Variants in TMEM74 observed in about 807,000 individuals in gnomAD.
TMEM74 encodes transmembrane protein 74.
Under a neutral mutation model 18.1 loss-of-function variants are expected in TMEM74, and 13 were observed. The observed-to-expected ratio is 0.72, with a 90% CI of 0.47 to 1.14. The LOEUF (loss-of-function observed/expected upper bound fraction) is 1.14, where lower values mean the gene tolerates loss of function less well. TMEM74 is among the 50% of genes most tolerant of loss of function. The probability of loss-of-function intolerance (pLI) is 0.00; values close to 1 mark genes in which losing one functional copy is unlikely to be tolerated. For missense variants in TMEM74, 372 were observed against 375.9 expected (o/e 0.99, Z 0.09); for synonymous variants, 159 against 146.6 (o/e 1.08, Z -0.61).
intron 1 of TMEM74, among the ~76,000 whole-genome samples, chr8:108,719,709 T>C (rs914466777): frequency 6.6e-6 from 1 of 151,986 alleles, no homozygotes; most frequent in African/African-American, 2.4e-5. Context: ...GAGAGGCTAG[T>C]GGGGGGTGGG....
chr8:108,692,232 C>A (rs1358871144), intron 1 of TMEM74, among the ~76,000 whole-genome samples: 1 of 152,200 alleles, frequency 6.6e-6, no homozygotes, highest in Non-Finnish European at 1.5e-5. Flanking sequence ...CTCATCACTT[C>A]AGTAAAACAA....
chr8:108,763,928 T>C (rs1814073251), intron 1 of TMEM74, among the ~76,000 whole-genome samples: 1 of 152,176 alleles, frequency 6.6e-6, no homozygotes, highest in South Asian at 2.1e-4. Context: ...TAACAGTATT[T>C]TGGAAAAGAA....
chr8:108,726,180 C>T (rs1813636416), intron 1 of TMEM74, among the ~76,000 whole-genome samples: 1 of 152,058 alleles, frequency 6.6e-6, no homozygotes, highest in Non-Finnish European at 1.5e-5. Flanking sequence ...TATATATCAT[C>T]ATCTCTAAGG....
At chr8:108,661,062 T>C (rs2130581027) in intron 1 of TMEM74, among the ~76,000 whole-genome samples, 1 of 152,252 alleles carries the variant, frequency 6.6e-6, no homozygotes, top group East Asian at 1.9e-4. Context: ...TATGGTTAAA[T>C]TTAGGGACCT....
rs900859603 is a variant in TMEM74 at position 108,782,068 on chromosome 8, CTTTAATGCCTTCTTTTT to C, written c.*2096_*2112del. Among the ~76,000 whole-genome samples the C allele has an allele frequency of 1.6e-4, 25 of 152,210 alleles. No homozygotes were observed. The highest frequency in any genetic ancestry group is 4.8e-4 in the African/African-American group (20 of 41,546). ...TTCTATGAATAAACATTAGTTTTTT[CTTTAATGCCTTCTTTTT>C]TTTAATGCCTTCTTTTTTTAACACA... On this transcript the variant is annotated 3_prime_UTR_variant, in exon 2 of 2. Transcript: ENST00000297459.
rs1438361720 is a variant in TMEM74 at position 108,615,160 on chromosome 8, C to T, written n.265-6334G>A. Among the ~76,000 whole-genome samples, 6 of 152,122 alleles carry T rather than the reference C, an allele frequency of 3.9e-5. No individual in the cohort carries two copies. In the East Asian group the frequency reaches 1.2e-3, roughly 29 times the overall value. On this transcript the variant is annotated intron_variant and non_coding_transcript_variant, in intron 2 of 3. Coordinates refer to the TMEM74 transcript ENST00000518838. ...TCATCAGTTCCTACCCTTTCTATCC[C>T]AGGAGACGCTGAACAGCCCAGAGGG...
chr8:108,785,918 C>T (rs1024251090), intron 1 of TMEM74, among the ~76,000 whole-genome samples: 7 of 152,160 alleles, frequency 4.6e-5, no homozygotes, highest in African/African-American at 1.2e-4. Context: ...ACAGACCTTA[C>T]GGCAATCCCT....
rs1446091078 is a variant in TMEM74 at position 108,783,162 on chromosome 8, T to G, written c.*1019A>C. 6.6e-6 allele frequency among the ~76,000 whole-genome samples: 1 copy of G among 152,132 alleles called. No homozygotes were observed. The highest frequency in any genetic ancestry group is 1.5e-5 in the Non-Finnish European group (1 of 68,018). On this transcript the variant is annotated 3_prime_UTR_variant, in exon 2 of 2. Transcript: ENST00000297459. ...TTGCTACCATGAGGGAAGTGCTCGTTGCTTGGCCTACAGCAAGTGATACAG... is the reference window on the plus strand; with the variant it reads ...TTGCTACCATGAGGGAAGTGCTCGTGGCTTGGCCTACAGCAAGTGATACAG...
intron 1 of TMEM74, among the ~76,000 whole-genome samples, chr8:108,684,109 A>T (rs190987923): frequency 1.1e-3 from 170 of 152,150 alleles, no homozygotes; most frequent in Admixed American, 3.7e-3. Context: ...TTTGCTTTGG[A>T]TAAATTACCA....
rs147088915 is a variant in TMEM74, at chr8:108,703,563, G to A, written n.120-48126C>T. Among the ~76,000 whole-genome samples the A allele has an allele frequency of 8.9e-4, 136 of 152,312 alleles. 2 individuals are homozygous for A. The highest frequency in any genetic ancestry group is 3.2e-3 in the African/African-American group (134 of 41,570). On this transcript the variant is annotated intron_variant and non_coding_transcript_variant, in intron 1 of 3. Coordinates refer to the TMEM74 transcript ENST00000518838. ...GCTACAGATGTACAGAACTGCATTA[G>A]GGTCATAGAAGGAGGGATGAACCCT...
chr8:108,713,183 G>A (rs1586270404), intron 1 of TMEM74, among the ~76,000 whole-genome samples: 1 of 152,026 alleles, frequency 6.6e-6, no homozygotes, highest in Non-Finnish European at 1.5e-5. Context: ...ACAGATTTTG[G>A]CAATTTGGCT....
intron 1 of TMEM74, among the ~76,000 whole-genome samples, chr8:108,748,237 A>C (rs1813870247): frequency 1.3e-5 from 2 of 152,014 alleles, no homozygotes; most frequent in Admixed American, 1.3e-4. Context: ...TTGTTTATTG[A>C]CTTTTTAGTA....
At chr8:108,663,918 G>A (rs775857138) in intron 1 of TMEM74, among the ~76,000 whole-genome samples, 12 of 152,024 alleles carry the variant, frequency 7.9e-5, no homozygotes, top group Non-Finnish European at 1.5e-4. Flanking sequence ...ATGAGAACAC[G>A]TGGACACATC....
intron 1 of TMEM74, among the ~76,000 whole-genome samples, chr8:108,669,516 A>G (rs1319657237): frequency 6.6e-6 from 1 of 152,182 alleles, no homozygotes; most frequent in East Asian, 1.9e-4. Context: ...CATATCCTTC[A>G]ATTCTTGGTA....
At chr8:108,615,483 C>G (rs917760795) in intron 2 of TMEM74, among the ~76,000 whole-genome samples, 2 of 152,202 alleles carry the variant, frequency 1.3e-5, no homozygotes, top group African/African-American at 4.8e-5. Context: ...AGCCACTTCT[C>G]TATTGACAAC....
At chr8:108,655,795 C>T (rs989421680) in intron 1 of TMEM74, among the ~76,000 whole-genome samples, 1 of 152,078 alleles carries the variant, frequency 6.6e-6, no homozygotes, top group African/African-American at 2.4e-5. Context: ...GGATAGTAAA[C>T]AAGGTTACCA....
chr8:108,765,321 A>T (rs1026679515), intron 1 of TMEM74, among the ~76,000 whole-genome samples: 1 of 151,626 alleles, frequency 6.6e-6, no homozygotes, highest in Non-Finnish European at 1.5e-5. Flanking sequence ...AGAGGCTTCC[A>T]TCATCCTGGA....
At chr8:108,695,995 C>T (rs528561679) in intron 1 of TMEM74, among the ~76,000 whole-genome samples, 1 of 152,268 alleles carries the variant, frequency 6.6e-6, no homozygotes, top group South Asian at 2.1e-4. Flanking sequence ...ATAATCTACC[C>T]TGAAGCTATG....
intron 1 of TMEM74, among the ~76,000 whole-genome samples, chr8:108,659,377 G>A (rs1003935119): frequency 6.6e-6 from 1 of 151,864 alleles, no homozygotes; most frequent in African/African-American, 2.4e-5. Flanking sequence ...TTCCTTCTTT[G>A]TTTCCTATGA....
Sources: allele counts gnomAD v4.1 joint callset (sites outside exome capture counted in the v4.1 genomes callset), GRCh38; gene constraint gnomAD v4.1.1; transcripts MANE v1.5; gene names NCBI Gene and HGNC (gene_info 2026-07-23, HGNC 2026-07-21).